NAV2: variants seen among roughly 807,000 people sequenced by gnomAD.
The protein encoded by NAV2 is neuron navigator 2.
In NAV2, 54 loss-of-function variants were observed where a neutral mutation model predicts 223.2. The ratio of observed to expected loss-of-function variants is 0.24; its 90% CI spans 0.19 to 0.30. NAV2 has a LOEUF of 0.30. NAV2 is among the 10% of genes least tolerant of loss of function. The pLI, the probability that NAV2 is intolerant of heterozygous loss-of-function variation, is 1.00. For synonymous variants in NAV2, 1,279 were observed against 1,239.3 expected (o/e 1.03, Z -0.67); for missense variants, 2,806 against 3,147.5 (o/e 0.89, Z 2.60).
At chr11:19,396,893 T>C (rs1373168255) in intron 1 of NAV2, among the ~76,000 whole-genome samples, 3 of 152,168 alleles carry the variant, frequency 2.0e-5, no homozygotes, top group African/African-American at 7.2e-5. Flanking sequence ...ACTGCTACAT[T>C]TGGACTTAGA....
At chr11:20,090,759 G>A (rs2060785649) in intron 26 of NAV2, 106 bp from the exon 27 acceptor site, 1 of 1,191,168 alleles carries the variant, frequency 8.4e-7, no homozygotes, top group Non-Finnish European at 1.2e-6. Context: ...CCAGGCAGCT[G>A]GTTATTCACA....
chr11:19,682,763 G>A (rs2048913753), intron 1 of NAV2, among the ~76,000 whole-genome samples: 1 of 152,154 alleles, frequency 6.6e-6, no homozygotes, highest in African/African-American at 2.4e-5. Flanking sequence ...TGAACTGAGT[G>A]AGAACACACT....
chr11:19,790,335 C>T (rs2057432416), intron 1 of NAV2, among the ~76,000 whole-genome samples: 1 of 152,178 alleles, frequency 6.6e-6, no homozygotes, highest in Non-Finnish European at 1.5e-5. Context: ...CAACTGACAT[C>T]CAGAGAGGGA....
intron 35 of NAV2, among the ~76,000 whole-genome samples, chr11:20,106,899 G>T (rs2062169410): frequency 6.6e-6 from 1 of 151,882 alleles, no homozygotes; most frequent in Non-Finnish European, 1.5e-5. Flanking sequence ...ACCGGCCTCG[G>T]CCTCCCAAAG....
chr11:19,602,269 C>T (rs1330891057), intron 1 of NAV2, among the ~76,000 whole-genome samples: 1 of 151,634 alleles, frequency 6.6e-6, no homozygotes, highest in Non-Finnish European at 1.5e-5. Flanking sequence ...CCTCCGCCTC[C>T]CGAGTTCAGG....
At chr11:20,006,495 T>G (rs1441089188) in intron 11 of NAV2, among the ~76,000 whole-genome samples, 1 of 151,982 alleles carries the variant, frequency 6.6e-6, no homozygotes, top group Non-Finnish European at 1.5e-5. Context: ...ACCAACATGG[T>G]GAAACCCCGT....
rs181976270 is a variant in NAV2 at position 20,073,721 on chromosome 11, G to A, written c.4984-3831G>A. Among the ~76,000 whole-genome samples the A allele has an allele frequency of 1.9e-3, 291 of 152,124 alleles. 2 individuals are homozygous for A. Among genetic ancestry groups the A allele is most frequent in the South Asian group, 0.019 (92 of 4,812 alleles). On this transcript the variant is annotated intron_variant, in intron 22 of 37. Transcript: ENST00000349880. ...CTTCTAGATTTTCTAGTTTGCTTACGTAGAGCTGTTTATAGTATTCTCTGA... is the reference window on the plus strand; with the variant it reads ...CTTCTAGATTTTCTAGTTTGCTTACATAGAGCTGTTTATAGTATTCTCTGA...
At chr11:19,595,877 T>A in intron 1 of NAV2, among the ~76,000 whole-genome samples, 1 of 152,210 alleles carries the variant, frequency 6.6e-6, no homozygotes, top group Non-Finnish European at 1.5e-5. Flanking sequence ...CTGCATTCTT[T>A]CGAGAAGTTT....
intron 1 of NAV2, among the ~76,000 whole-genome samples, chr11:19,829,740 T>C (rs1398453527): frequency 6.6e-6 from 1 of 152,182 alleles, no homozygotes; most frequent in East Asian, 1.9e-4. Flanking sequence ...TTGCCTTCAC[T>C]TCCTGAGCCC....
chr11:19,813,399 G>A (rs1308231368), intron 1 of NAV2, among the ~76,000 whole-genome samples: 1 of 152,180 alleles, frequency 6.6e-6, no homozygotes, highest in Non-Finnish European at 1.5e-5. Context: ...GCCAAGTGGG[G>A]GAATGATTCC....
chr11:19,795,762 G>A (rs1244137058), intron 1 of NAV2, among the ~76,000 whole-genome samples: 1 of 152,192 alleles, frequency 6.6e-6, no homozygotes, highest in Non-Finnish European at 1.5e-5. Flanking sequence ...TGTGATGAAG[G>A]TTTGTCTCAG....
intron 1 of NAV2, among the ~76,000 whole-genome samples, chr11:19,642,579 T>G (rs933443819): frequency 6.6e-6 from 1 of 152,152 alleles, no homozygotes; most frequent in Non-Finnish European, 1.5e-5. Flanking sequence ...ACCTGGGCTC[T>G]CTGGATGTGC....
At chr11:20,064,019 C>T (rs1001561249) in intron 20 of NAV2, among the ~76,000 whole-genome samples, 7 of 152,212 alleles carry the variant, frequency 4.6e-5, no homozygotes, top group African/African-American at 1.7e-4. Flanking sequence ...TCTAAAATTC[C>T]TCTTTCCTCA....
At position 19,933,452 on chromosome 11, in the gene NAV2, A is replaced by C. The variant is rs1451123516; in HGVS notation, c.1208A>C (p.Glu403Ala). ...CCCAACAATCAGAAGTCCATGCTGGAAAAGCTGAAACTTTTCAACAGTAAA... is the reference window on the plus strand; with the variant it reads ...CCCAACAATCAGAAGTCCATGCTGGCAAAGCTGAAACTTTTCAACAGTAAA... Reference protein sequence around the residue: ...PAPNNQKSMLEKLKLFNSKGG... With the variant: ...PAPNNQKSMLAKLKLFNSKGG... The change falls in exon 7 of 38, where the codon GAA (glutamate) becomes GCA (alanine). Residue 403 changes from glutamate to alanine, a missense_variant. This residue lies in a region of NAV2 where 1,167 missense variants were observed against 1,180.5 expected (regional missense o/e 0.99). Transcript: ENST00000349880. This position sits in a 1 kb window ranked among gnomAD's most constrained non-coding sequence, Gnocchi z 4.3. 20 of 1,603,000 alleles carry C rather than the reference A, an allele frequency of 1.2e-5. No homozygotes were observed. The highest frequency in any genetic ancestry group is 1.7e-5 in the Non-Finnish European group (20 of 1,174,906).
intron 3 of NAV2, among the ~76,000 whole-genome samples, chr11:19,864,764 T>C (rs1345790048): frequency 6.6e-6 from 1 of 152,220 alleles, no homozygotes; most frequent in African/African-American, 2.4e-5. Context: ...GTTCAGGCAC[T>C]GCACAAGGTG....
chr11:20,094,213 TTTTC>T lies in NAV2; in HGVS notation c.5916+1018_5916+1021del, dbSNP rs1316719065. On this transcript the variant is annotated intron_variant, in intron 29 of 37. Transcript: ENST00000349880. ...GTTAGGGGAAACTCGTTCTTTTTTC[TTTTC>T]TTTATCTTTTTTTTTTTTTTTTTTT... Among the ~76,000 whole-genome samples, 65 of 146,968 alleles carry T rather than the reference TTTTC, an allele frequency of 4.4e-4. 1 individual carries two copies. The highest frequency in any genetic ancestry group is 1.3e-3 in the African/African-American group (54 of 40,530).
chr11:19,873,357 G>A (rs577515776), intron 4 of NAV2, among the ~76,000 whole-genome samples: 1 of 152,234 alleles, frequency 6.6e-6, no homozygotes, highest in East Asian at 1.9e-4. Context: ...ACAGAAGTGG[G>A]ACATTTCCCC....
intron 1 of NAV2, among the ~76,000 whole-genome samples, chr11:19,720,661 TATA>T (rs1159739184): frequency 1.3e-5 from 2 of 152,200 alleles, no homozygotes; most frequent in Non-Finnish European, 2.9e-5. Flanking sequence ...TAAAAATAAT[TATA>T]ATACTAGTCA....
chr11:19,493,542 C>T lies in NAV2; in HGVS notation c.75+142515C>T, dbSNP rs184248227. 5.3e-4 allele frequency among the ~76,000 whole-genome samples: 80 copies of T among 152,218 alleles called. 1 individual carries two copies. Among genetic ancestry groups the T allele is most frequent in the Non-Finnish European group, 1.0e-3 (71 of 68,010 alleles). On this transcript the variant is annotated intron_variant, in intron 1 of 37. Transcript: ENST00000360655. ...GTCATTCCTCTATTATAAAAAAGCT[C>T]GGCATCCCTGAGCTATACCAATCCC...
Sources: gnomAD v4.1 joint callset for allele counts (sites outside exome capture counted in the v4.1 genomes callset) on GRCh38, gnomAD v4.1.1 for gene constraint, gnomAD v4.1.1 regional missense constraint, Gnocchi (gnomAD v3.1) non-coding constraint, MANE v1.5 for transcripts, NCBI Gene and HGNC (gene_info 2026-07-23, HGNC 2026-07-21) for gene names.